The following FCGR1A variants were observed in gnomAD, a reference collection of about 807,000 sequenced individuals.
The protein encoded by FCGR1A is high affinity immunoglobulin gamma Fc receptor I.
A neutral mutation model predicts 35.0 loss-of-function variants in FCGR1A; 13 were observed. The ratio of observed to expected loss-of-function variants is 0.37; its 90% confidence interval spans 0.24 to 0.59. The LOEUF is 0.59. Among genes scored for constraint, FCGR1A ranks in the 20% least tolerant of loss-of-function variants. The probability of loss-of-function intolerance (pLI) is 0.71; values close to 1 mark genes in which losing one functional copy is unlikely to be tolerated. For synonymous variants in FCGR1A, 91 were observed against 164.7 expected, an observed-to-expected ratio of 0.55 and a Z score of 3.43; for missense variants, 227 against 430.0, an observed-to-expected ratio of 0.53 and a Z score of 4.17.
At chr1:149,785,384 TAGGGAAGCTGACAGAGCTGTTTCG>T (rs2091513742) in intron 3 of FCGR1A, among the ~76,000 whole-genome samples, 1 of 146,052 alleles carries the variant, frequency 6.8e-6, no homozygotes. Context: ...ATGGAGAGGT[TAGGGAAGCTGACAGAGCTGTTTCG>T]TTTTTTTTTT....
rs782447835 is a variant in FCGR1A at position 149,784,150 on chromosome 1, C to A, written c.200C>A (p.Thr67Asn). ...AATGGCACAGCCACTCAGACCTCGA[C>A]CCCCAGCTACAGAATCACCTCTGCC... ...FLNGTATQTS[T>N]PSYRITSASV... Residue 67 changes from threonine (T) to asparagine (N), a missense_variant, in exon 3 of 6, where the codon ACC (threonine) becomes AAC (asparagine). Thr to Asn is a moderately conservative substitution (Grantham distance 65). Around this residue, in one of 3 missense-constraint regions of FCGR1A, gnomAD observed 185 missense variants for 306.6 expected, o/e 0.60. Transcript: ENST00000369168. The A allele has an allele frequency of 1.9e-6, 3 of 1,611,684 alleles. No homozygotes were observed. Among genetic ancestry groups the A allele is most frequent in the Non-Finnish European group, 2.5e-6 (3 of 1,179,828 alleles).
Position 149,790,296 on chromosome 1 carries a change from A to C in FCGR1A, c.802A>C (p.Asn268His). Residue 268 changes from asparagine to histidine, a missense_variant, in exon 5 of 6, where the codon AAT (asparagine) becomes CAT (histidine). Transcript: ENST00000369168. The stretch of plus-strand genomic sequence containing the variant: ...GTGCGAGGCTGCCACAGAGGATGGA[A>C]ATGTCCTTAAGCGCAGCCCTGAGTT... Reference protein sequence around the residue: ...YWCEAATEDGNVLKRSPELEL... With the variant: ...YWCEAATEDGHVLKRSPELEL... The C allele has an allele frequency of 1.3e-6, 2 of 1,586,792 alleles. No individual in the cohort carries two copies. The highest frequency in any genetic ancestry group is 1.7e-6 in the Non-Finnish European group (2 of 1,166,278).
chr1:149,788,878 T>A (rs2091622825), intron 4 of FCGR1A, among the ~76,000 whole-genome samples: 1 of 152,042 alleles, frequency 6.6e-6, no homozygotes, highest in Non-Finnish European at 1.5e-5. Flanking sequence ...ATAATGGTGA[T>A]CCATTTCATC....
At chr1:149,786,404 T>C (rs1432192176) in intron 3 of FCGR1A, 2 of 152,198 alleles carry the variant, frequency 1.3e-5, no homozygotes, top group Non-Finnish European at 2.9e-5. Context: ...TATTAAAGTT[T>C]TGTTTGTTTT....
rs373590676 is a variant in FCGR1A, at chr1:149,784,144, C to T, written c.194C>T (p.Thr65Ile). The stretch of plus-strand genomic sequence containing the variant: ...TTTCTCAATGGCACAGCCACTCAGA[C>T]CTCGACCCCCAGCTACAGAATCACC... The part of the protein sequence containing the change: ...QWFLNGTATQ[T>I]STPSYRITSA... Residue 65 changes from threonine (T) to isoleucine (I), a missense_variant, in exon 3 of 6, where the codon ACC becomes ATC. Physicochemically the swap from Thr to Ile is moderately conservative, Grantham distance 89. This residue lies in a region of FCGR1A where 185 missense variants were observed against 306.6 expected (regional missense o/e 0.60). Transcript: ENST00000369168. 9 of 1,611,728 alleles carry T rather than the reference C, an allele frequency of 5.6e-6. No homozygotes were observed. Among genetic ancestry groups the T allele is most frequent in the South Asian group, 1.1e-5 (1 of 90,986 alleles).
At chr1:149,788,341 T>C in intron 3 of FCGR1A, 25 bp from the exon 4 acceptor site, 1 of 1,612,028 alleles carries the variant, frequency 6.2e-7, no homozygotes. Flanking sequence ...ACTGTATACA[T>C]ACATTTTGGG....
the FCGR1A span, among the ~76,000 whole-genome samples, chr1:149,799,475 G>A: frequency 6.6e-6 from 1 of 151,852 alleles, no homozygotes; most frequent in Non-Finnish European, 1.5e-5. Flanking sequence ...TAGATCCTGT[G>A]AAATATCCTC....
Position 149,791,237 on chromosome 1 carries a change from G to A in FCGR1A, c.845G>A (p.Gly282Asp). The A allele has an allele frequency of 1.9e-6, 3 of 1,605,194 alleles. No individual in the cohort carries two copies. Among genetic ancestry groups the A allele is most frequent in the African/African-American group, 1.3e-5 (1 of 74,226 alleles). Residue 282 changes from glycine to aspartate, a missense_variant and splice_region_variant, in exon 6 of 6, where the codon GGC becomes GAC. This residue lies in a region of FCGR1A where 185 missense variants were observed against 306.6 expected (regional missense o/e 0.60). Coordinates refer to ENST00000369168, the MANE Select transcript of FCGR1A (RefSeq NM_000566.4). ...TTCTCTTTGTCTTTTTCTGTTTCAG[G>A]CCTCCAGTTACCAACTCCTGTCTGG... ...RSPELELQVL[G>D]LQLPTPVWFH...
chr1:149,792,697 G>T, downstream of FCGR1A: 1 of 1,282,092 alleles, frequency 7.8e-7, no homozygotes, highest in Non-Finnish European at 1.0e-6. Flanking sequence ...CAGCTGCGGC[G>T]AAAGCTGTTG....
At chr1:149,787,045 C>G (rs1218694686) in intron 3 of FCGR1A, 1 of 152,190 alleles carries the variant, frequency 6.6e-6, no homozygotes, top group African/African-American at 2.4e-5. Flanking sequence ...TAGTGTTTGA[C>G]AGTTTCTGAT....
At chr1:149,784,974 G>A (rs1206180795) in intron 3 of FCGR1A, among the ~76,000 whole-genome samples, 11 of 151,934 alleles carry the variant, frequency 7.2e-5, no homozygotes, top group Non-Finnish European at 1.0e-4. Context: ...CATTCCGGGG[G>A]CACATTTCAT....
intron 3 of FCGR1A, among the ~76,000 whole-genome samples, chr1:149,784,514 A>T (rs1368871345): frequency 6.6e-6 from 1 of 152,158 alleles, no homozygotes; most frequent in Non-Finnish European, 1.5e-5. Context: ...TTGTATCATT[A>T]TTCCAAATGT....
At chr1:149,790,673 T>C (rs587710686) in intron 5 of FCGR1A, among the ~76,000 whole-genome samples, 29 of 149,654 alleles carry the variant, frequency 1.9e-4, no homozygotes, top group African/African-American at 6.9e-4. Flanking sequence ...CTTCTCTCTC[T>C]CTCTCTCCCT....
chr1:149,782,933 G>T, intron 1 of FCGR1A, 159 bp downstream of exon 1: 1 of 1,483,048 alleles, frequency 6.7e-7, no homozygotes, highest in South Asian at 1.2e-5. Flanking sequence ...TTATGAAAAG[G>T]ATGGGAAGGG....
chr1:149,787,224 C>T (rs1376684038), intron 3 of FCGR1A: 6 of 152,184 alleles, frequency 3.9e-5, no homozygotes, highest in African/African-American at 1.4e-4. Context: ...AAAATTCATG[C>T]TATGTATAGC....
At chr1:149,792,972 G>A (rs1553752278), downstream of FCGR1A, 2 of 1,276,122 alleles carry the variant, frequency 1.6e-6, no homozygotes, top group Non-Finnish European at 1.0e-6. Context: ...GGTAGTCTGC[G>A]AGGGCCCGCG....
At chr1:149,790,032 C>A (rs827372) in intron 4 of FCGR1A, 22 bp from the exon 5 acceptor site, 4 of 1,611,704 alleles carry the variant, frequency 2.5e-6, no homozygotes. Flanking sequence ...GCAACCTTGT[C>A]CCCCATCAAC....
At chr1:149,792,610 C>T, downstream of FCGR1A, 1 of 1,223,116 alleles carries the variant, frequency 8.2e-7, no homozygotes, top group South Asian at 1.4e-5. Context: ...GGGCCCCTGG[C>T]GCCACACTGT....
downstream of FCGR1A, chr1:149,792,696 C>G (rs1553752168): frequency 1.6e-6 from 2 of 1,282,040 alleles, no homozygotes; most frequent in Non-Finnish European, 2.0e-6. Flanking sequence ...CCAGCTGCGG[C>G]GAAAGCTGTT....
Sources: gnomAD v4.1 joint callset for allele counts (sites outside exome capture counted in the v4.1 genomes callset) on GRCh38, gnomAD v4.1.1 for gene constraint, gnomAD v4.1.1 regional missense constraint, MANE v1.5 for transcripts, NCBI Gene and HGNC (gene_info 2026-07-23, HGNC 2026-07-21) for gene names.